The following RHBDL3 variants were observed in gnomAD, a reference collection of about 807,000 sequenced individuals.
RHBDL3 encodes the protein rhomboid-related protein 3.
RHBDL3 carries 28 observed loss-of-function variants against 48.2 expected under a neutral mutation model. That is an observed-to-expected ratio of 0.58 (90% CI 0.43 to 0.80). RHBDL3 has a LOEUF of 0.80. Ranked by LOEUF, RHBDL3 falls within the 30% of genes least tolerant of loss-of-function variation. The probability of loss-of-function intolerance (pLI) is 0.00; values close to 1 mark genes in which losing one functional copy is unlikely to be tolerated. For synonymous variants in RHBDL3, 208 were observed against 232.3 expected (o/e 0.90, Z 0.95); for missense variants, 464 against 542.7 (o/e 0.85, Z 1.44).
At chr17:32,277,136 C>T (rs1199024075) in intron 2 of RHBDL3, among the ~76,000 whole-genome samples, 1 of 152,186 alleles carries the variant, frequency 6.6e-6, no homozygotes, top group African/African-American at 2.4e-5. Context: ...GGTCTTTACC[C>T]CAGTGGCAGC....
At chr17:32,270,132 C>CAA (rs66986205) in intron 2 of RHBDL3, among the ~76,000 whole-genome samples, 196 of 67,656 alleles carry the variant, frequency 2.9e-3, no homozygotes, top group East Asian at 4.2e-3. Flanking sequence ...GACCCTTTCT[C>CAA]AAAAAAAAAA....
intron 2 of RHBDL3, among the ~76,000 whole-genome samples, chr17:32,279,510 G>A (rs908230285): frequency 6.6e-6 from 1 of 152,134 alleles, no homozygotes; most frequent in African/African-American, 2.4e-5. Context: ...CCCCAGTGTT[G>A]CCAGGCCCCT....
Position 32,321,475 on chromosome 17 carries a change from T to A in RHBDL3, c.*246T>A. On this transcript the variant is annotated 3_prime_UTR_variant, in exon 9 of 9. Transcript: ENST00000269051. The stretch of plus-strand genomic sequence containing the variant: ...CTGCTCTGATGACATCGGGCCAGGG[T>A]GAAGGTCTGGGGTGGGGTGTGAGAG... 1.8e-6 allele frequency: 2 copies of A among 1,112,122 alleles called. No homozygotes were observed. The highest frequency in any genetic ancestry group is 2.5e-6 in the Non-Finnish European group (2 of 792,948). 68.9% of individuals were successfully genotyped at this position (1,112,122 alleles called of 1,614,324 possible). A position where few individuals can be genotyped will look rare whatever the true frequency, so the allele number is the denominator to read the frequency against.
rs1187078473 is a variant in RHBDL3, at chr17:32,283,081, A to C, written c.136-1578A>C. ...GTTTGGTATTCCGGACTCCCTCGTC[A>C]TGCACACACATACATCCTCAATGTC... is the stretch of plus-strand genomic sequence containing the variant. On this transcript the variant is annotated intron_variant, in intron 2 of 8. Coordinates refer to ENST00000269051, the MANE Select transcript of RHBDL3 (RefSeq NM_138328.3). Among the ~76,000 whole-genome samples, 6 of 152,266 alleles carry C rather than the reference A, an allele frequency of 3.9e-5. No homozygotes were observed. The East Asian group carries it at 1.2e-3, about 29-fold the overall frequency.
chr17:32,268,784 G>C (rs967243186), intron 2 of RHBDL3, among the ~76,000 whole-genome samples: 4 of 152,180 alleles, frequency 2.6e-5, no homozygotes, highest in African/African-American at 9.7e-5. Context: ...GTTGTAGGCA[G>C]GGGAAGCCTT....
intron 1 of RHBDL3, among the ~76,000 whole-genome samples, chr17:32,266,842 G>A (rs974242097): frequency 6.6e-6 from 1 of 152,186 alleles, no homozygotes; most frequent in African/African-American, 2.4e-5. Flanking sequence ...GGAGCAGGGA[G>A]GCAAAGAGTG....
intron 5 of RHBDL3, among the ~76,000 whole-genome samples, chr17:32,295,176 G>T (rs2150725999): frequency 6.6e-6 from 1 of 152,304 alleles, no homozygotes; most frequent in South Asian, 2.1e-4. Flanking sequence ...GGGGTGCCTG[G>T]CCCTGGAGTG....
chr17:32,274,327 G>A (rs770095840), intron 2 of RHBDL3, among the ~76,000 whole-genome samples: 7 of 152,162 alleles, frequency 4.6e-5, no homozygotes, highest in South Asian at 4.1e-4. Flanking sequence ...TCGTGACACT[G>A]GGGCCATTGT....
At chr17:32,266,334 A>T in intron 1 of RHBDL3, 34 bp downstream of exon 1, 1 of 1,218,644 alleles carries the variant, frequency 8.2e-7, no homozygotes, top group Non-Finnish European at 1.1e-6. Flanking sequence ...CAAACTTTCT[A>T]GGGGGCGCCG....
intron 7 of RHBDL3, among the ~76,000 whole-genome samples, chr17:32,312,384 G>A (rs892347472): frequency 5.9e-5 from 9 of 152,096 alleles, no homozygotes; most frequent in African/African-American, 1.4e-4. Context: ...GCAGTGAGTC[G>A]TGATCATGCC....
chr17:32,291,417 C>T (rs775020765), intron 4 of RHBDL3, among the ~76,000 whole-genome samples: 2 of 151,898 alleles, frequency 1.3e-5, no homozygotes, highest in Non-Finnish European at 2.9e-5. Flanking sequence ...CACAGTGGCT[C>T]ACGCCTGTAA....
rs2040152705 is a variant in RHBDL3, at chr17:32,284,707, C to A, written c.184C>A (p.Leu62Ile). 1 of 1,614,180 alleles carries A rather than the reference C, an allele frequency of 6.2e-7. No homozygotes were observed. The highest frequency in any genetic ancestry group is 8.5e-7 in the Non-Finnish European group (1 of 1,180,006). The change falls in exon 3 of 9, where the codon CTT (leucine) becomes ATT (isoleucine). Residue 62 changes from leucine (L) to isoleucine (I), a missense_variant. Physicochemically the swap from Leu to Ile is conservative, Grantham distance 5. Coordinates refer to ENST00000269051, the MANE Select transcript of RHBDL3 (RefSeq NM_138328.3). Reference protein sequence around the residue: ...GYISTGKFRSLLESHSSKLDP... With the variant: ...GYISTGKFRSILESHSSKLDP... The stretch of plus-strand genomic sequence containing the variant: ...CATTAGCACAGGCAAGTTCCGGAGT[C>A]TTCTGGAGAGCCACAGCTCCAAGCT...
At chr17:32,278,786 T>C (rs2039973883) in intron 2 of RHBDL3, among the ~76,000 whole-genome samples, 1 of 152,126 alleles carries the variant, frequency 6.6e-6, no homozygotes, top group South Asian at 2.1e-4. Context: ...GGGACCACTC[T>C]CAAAGTGACC....
At chr17:32,301,522 A>G (rs1321256228) in intron 6 of RHBDL3, among the ~76,000 whole-genome samples, 1 of 150,954 alleles carries the variant, frequency 6.6e-6, no homozygotes, top group Non-Finnish European at 1.5e-5. Context: ...ATAAATATTT[A>G]TAGAATAAAG....
intron 7 of RHBDL3, among the ~76,000 whole-genome samples, chr17:32,313,751 CTTTTTTT>C (rs559422433): frequency 0.15 from 14,507 of 98,796 alleles, 798 homozygotes; most frequent in African/African-American, 0.25. Flanking sequence ...AATTCCCTCC[CTTTTTTT>C]TTTTTTTTTT....
At chr17:32,297,861 C>T (rs2040489720) in intron 5 of RHBDL3, among the ~76,000 whole-genome samples, 1 of 151,914 alleles carries the variant, frequency 6.6e-6, no homozygotes, top group South Asian at 2.1e-4. Flanking sequence ...TGCTGCCAGT[C>T]ACGCCCAGGC....
intron 8 of RHBDL3, among the ~76,000 whole-genome samples, chr17:32,320,093 C>A (rs1032335609): frequency 6.6e-6 from 1 of 151,810 alleles, no homozygotes; most frequent in African/African-American, 2.4e-5. Flanking sequence ...CATAGTAAGA[C>A]CTCATCTCTA....
intron 2 of RHBDL3, chr17:32,284,097 CA>C (rs1244911955): frequency 2.7e-5 from 4 of 147,576 alleles, no homozygotes; most frequent in African/African-American, 7.7e-5. Flanking sequence ...CCAAACAAAA[CA>C]AAAACCACAG....
At chr17:32,310,747 G>A (rs1411768273) in intron 7 of RHBDL3, among the ~76,000 whole-genome samples, 2 of 152,108 alleles carry the variant, frequency 1.3e-5, no homozygotes, top group East Asian at 3.9e-4. Flanking sequence ...AGCCAGGCGT[G>A]GTGGCGGGCA....
Sources: gnomAD v4.1 joint callset for allele counts (sites outside exome capture counted in the v4.1 genomes callset) on GRCh38, gnomAD v4.1.1 for gene constraint, MANE v1.5 for transcripts, NCBI Gene and HGNC (gene_info 2026-07-23, HGNC 2026-07-21) for gene names.